RSU1: variants seen among roughly 807,000 people sequenced by gnomAD.
RSU1 encodes the protein rsu-1.
Under a neutral mutation model 31.1 loss-of-function variants are expected in RSU1, and 26 were observed. The observed-to-expected ratio is 0.84, with a 90% confidence interval of 0.61 to 1.16. RSU1 has a LOEUF of 1.16. Ranked by LOEUF, RSU1 falls within the 50% of genes most tolerant of loss-of-function variation. The pLI is 0.00. For synonymous variants in RSU1, 164 were observed against 136.3 expected (o/e 1.20, Z -1.41); for missense variants, 320 against 339.1 (o/e 0.94, Z 0.44).
chr10:16,761,713 G>A (rs1348157045), intron 4 of RSU1, among the ~76,000 whole-genome samples: 1 of 152,070 alleles, frequency 6.6e-6, no homozygotes, highest in African/African-American at 2.4e-5. Context: ...AAAATTAGCT[G>A]GGCGTGGTGG....
chr10:16,683,659 A>T (rs1029133273), intron 8 of RSU1, among the ~76,000 whole-genome samples: 4 of 152,162 alleles, frequency 2.6e-5, no homozygotes, highest in African/African-American at 9.7e-5. Flanking sequence ...ATTTGGAGAG[A>T]TTTATTCTGA....
intron 4 of RSU1, 39 bp downstream of exon 4, chr10:16,764,349 ACT>A (rs1837269761): frequency 1.9e-6 from 3 of 1,570,690 alleles, no homozygotes; most frequent in African/African-American, 2.7e-5. Context: ...TGCCCCTTCC[ACT>A]CTCTTCCTCT....
At chr10:16,805,178 G>C (rs914124846) in intron 2 of RSU1, among the ~76,000 whole-genome samples, 2 of 151,938 alleles carry the variant, frequency 1.3e-5, no homozygotes, top group African/African-American at 2.4e-5. Flanking sequence ...TTGCAATCCA[G>C]CCTGGGTGAC....
At chr10:16,798,305 C>G (rs1190890979) in intron 2 of RSU1, among the ~76,000 whole-genome samples, 10 of 152,156 alleles carry the variant, frequency 6.6e-5, no homozygotes, top group African/African-American at 2.4e-4. Context: ...AAAATACTTT[C>G]TTGAAATAAA....
At chr10:16,727,583 C>T (rs770556552) in intron 7 of RSU1, among the ~76,000 whole-genome samples, 21 of 152,244 alleles carry the variant, frequency 1.4e-4, no homozygotes, top group Middle Eastern at 6.8e-3. Context: ...CTGTTTTTGG[C>T]GCAAGTTCTG....
intron 8 of RSU1, among the ~76,000 whole-genome samples, chr10:16,650,764 G>C (rs1328506408): frequency 6.6e-6 from 1 of 151,498 alleles, no homozygotes; most frequent in African/African-American, 2.4e-5. Flanking sequence ...TTTATTTTTA[G>C]CAGAGATGAG....
chr10:16,804,336 G>A lies in RSU1; in HGVS notation c.109+12637C>T, dbSNP rs560544333. Among the ~76,000 whole-genome samples, 4 of 152,344 alleles carry A rather than the reference G, an allele frequency of 2.6e-5. No homozygotes were observed. In the East Asian group the frequency reaches 5.8e-4, roughly 22 times the overall value. On this transcript the variant is annotated intron_variant, in intron 2 of 8. Coordinates refer to ENST00000345264, the MANE Select transcript of RSU1 (RefSeq NM_012425.4). ...AACACCAAATGCTGGTGAGGATGTG[G>A]AGCAACAGGAAACCTCATTCTTTAT... is the stretch of plus-strand genomic sequence containing the variant.
intron 7 of RSU1, among the ~76,000 whole-genome samples, chr10:16,710,883 T>A (rs1172161767): frequency 6.6e-6 from 1 of 152,184 alleles, no homozygotes; most frequent in East Asian, 1.9e-4. Context: ...GTTCTCATTG[T>A]TCAACTCCCA....
At chr10:16,734,558 TG>T (rs1029066886) in intron 7 of RSU1, among the ~76,000 whole-genome samples, 3 of 152,118 alleles carry the variant, frequency 2.0e-5, no homozygotes, top group Non-Finnish European at 4.4e-5. Flanking sequence ...AAATATATAT[TG>T]GGGGGGTTAT....
At chr10:16,788,752 C>T (rs1259979430) in intron 2 of RSU1, among the ~76,000 whole-genome samples, 1 of 152,204 alleles carries the variant, frequency 6.6e-6, no homozygotes, top group African/African-American at 2.4e-5. Context: ...AGGCTTCCTC[C>T]TTCAGGACAC....
intron 8 of RSU1, among the ~76,000 whole-genome samples, chr10:16,596,048 C>T (rs758337556): frequency 7.2e-5 from 11 of 152,180 alleles, no homozygotes; most frequent in South Asian, 2.1e-4. Context: ...AAAAGGGTCA[C>T]GGGTCCCCCT....
At chr10:16,599,473 G>C (rs543627323) in intron 8 of RSU1, among the ~76,000 whole-genome samples, 34 of 152,246 alleles carry the variant, frequency 2.2e-4, no homozygotes, top group African/African-American at 7.5e-4. Flanking sequence ...TCCTGCACCA[G>C]GGATTCCTGG....
At chr10:16,773,870 G>C (rs897523878) in intron 3 of RSU1, among the ~76,000 whole-genome samples, 2 of 150,538 alleles carry the variant, frequency 1.3e-5, no homozygotes, top group Admixed American at 6.7e-5. Flanking sequence ...AAAGGGGTAG[G>C]AACATCAGTT....
intron 8 of RSU1, among the ~76,000 whole-genome samples, chr10:16,647,469 C>A (rs1588693290): frequency 6.6e-6 from 1 of 152,188 alleles, no homozygotes; most frequent in African/African-American, 2.4e-5. Context: ...AGAAGCATTA[C>A]TCATAATAGC....
intron 6 of RSU1, 126 bp from the exon 7 acceptor site, chr10:16,752,779 G>T: frequency 2.0e-6 from 2 of 1,014,962 alleles, no homozygotes; most frequent in Non-Finnish European, 3.0e-6. Context: ...AAGTGCCGGC[G>T]GATAATCAAG....
chr10:16,764,485 C>T lies in RSU1; in HGVS notation c.186G>A (p.Leu62=), dbSNP rs148112644. Residue 62 remains leucine (L), a synonymous_variant, in exon 4 of 9, where the codon CTG becomes CTA. Coordinates refer to ENST00000345264, the MANE Select transcript of RSU1 (RefSeq NM_012425.4). The part of the protein sequence containing the change: ...LTMVPPNIAE[L]KNLEVLNFFN... Reference sequence around the variant, plus strand: ...AAAAGTTGAGCACCTCCAAATTCTTCAGTTCTGCGATGTTCGGTGGCACCA... The same window carrying T: ...AAAAGTTGAGCACCTCCAAATTCTTTAGTTCTGCGATGTTCGGTGGCACCA... The T allele has an allele frequency of 2.1e-5, 34 of 1,613,876 alleles. No individual in the cohort carries two copies. Among genetic ancestry groups the T allele is most frequent in the Non-Finnish European group, 2.9e-5 (34 of 1,179,956 alleles).
At chr10:16,661,567 G>C (rs966153924) in intron 8 of RSU1, among the ~76,000 whole-genome samples, 1 of 152,196 alleles carries the variant, frequency 6.6e-6, no homozygotes, top group Non-Finnish European at 1.5e-5. Context: ...TAGGAGAGGA[G>C]AGAAGATGAC....
At chr10:16,807,188 A>T (rs552550363) in intron 2 of RSU1, among the ~76,000 whole-genome samples, 1 of 152,358 alleles carries the variant, frequency 6.6e-6, no homozygotes, top group South Asian at 2.1e-4. Flanking sequence ...GTGTCCTGAA[A>T]AACTAAGAGG....
chr10:16,741,082 A>C (rs1359911123), intron 7 of RSU1, among the ~76,000 whole-genome samples: 1 of 152,244 alleles, frequency 6.6e-6, no homozygotes, highest in Non-Finnish European at 1.5e-5. Context: ...AACAGTACTA[A>C]AGATAGTGTG....
Sources: allele counts gnomAD v4.1 joint callset (sites outside exome capture counted in the v4.1 genomes callset), GRCh38; gene constraint gnomAD v4.1.1; transcripts MANE v1.5; gene names NCBI Gene and HGNC (gene_info 2026-07-23, HGNC 2026-07-21).